IGF1: variants seen among roughly 807,000 people sequenced by gnomAD.
IGF1 encodes the protein insulin-like growth factor 1.
Under a neutral mutation model 13.8 loss-of-function variants are expected in IGF1, and 4 were observed. The observed-to-expected ratio is 0.29, with a 90% CI of 0.14 to 0.66. IGF1 has a LOEUF of 0.66. Among genes scored for constraint, IGF1 ranks in the 30% least tolerant of loss-of-function variants. IGF1 has a pLI of 0.78. For missense variants in IGF1, 124 were observed against 188.5 expected (o/e 0.66, Z 2.00); for synonymous variants, 76 against 72.6 (o/e 1.05, Z -0.23).
chr12:102,480,343 C>T lies in IGF1; in HGVS notation c.39G>A (p.Lys13=). ...CCTTCAAGAAATCACAAAAGCAGCA[C>T]TTAAATAATTGGGTTGGAAGACTGC... ...KISSLPTQLF[K]CCFCDFLKVK... The change falls in exon 1 of 4, where the codon AAG becomes AAA. Residue 13 remains lysine (K), a synonymous_variant. Transcript: ENST00000337514. The T allele has an allele frequency of 5.6e-6, 9 of 1,613,594 alleles. No individual in the cohort carries two copies. The highest frequency in any genetic ancestry group is 7.6e-6 in the Non-Finnish European group (9 of 1,179,708).
At chr12:102,405,036 C>G (rs533945783) in intron 3 of IGF1, among the ~76,000 whole-genome samples, 95 of 151,456 alleles carry the variant, frequency 6.3e-4, no homozygotes, top group Non-Finnish European at 4.6e-4. Flanking sequence ...GTATTACAGG[C>G]GTAAGCTAAA....
intron 2 of IGF1, among the ~76,000 whole-genome samples, chr12:102,448,516 A>G (rs1341849977): frequency 1.6e-5 from 2 of 122,220 alleles, no homozygotes; most frequent in Non-Finnish European, 3.3e-5. Flanking sequence ...AGGAAGGGGA[A>G]TATCACACTC....
At position 102,419,247 on chromosome 12, in the gene IGF1, T is replaced by A. The variant is rs1875451248; in HGVS notation, c.402+262A>T. Among the ~76,000 whole-genome samples the A allele has an allele frequency of 2.0e-5, 3 of 152,186 alleles. No homozygotes were observed. In the South Asian group the frequency reaches 6.2e-4, roughly 32 times the overall value. ...TGTGTGAGAAAGCCAGGACTTCACT[T>A]TTGTCTGACACCAAAGCCCATGTTT... On this transcript the variant is annotated intron_variant, in intron 3 of 3. Coordinates refer to ENST00000337514, the MANE Select transcript of IGF1 (RefSeq NM_000618.5).
intron 3 of IGF1, among the ~76,000 whole-genome samples, chr12:102,408,318 T>C (rs1874344609): frequency 6.6e-6 from 1 of 152,154 alleles, no homozygotes; most frequent in African/African-American, 2.4e-5. Context: ...AACTTTGATA[T>C]CTCTTTACTT....
At chr12:102,464,181 A>G (rs1880133026) in intron 2 of IGF1, among the ~76,000 whole-genome samples, 1 of 152,034 alleles carries the variant, frequency 6.6e-6, no homozygotes, top group Non-Finnish European at 1.5e-5. Flanking sequence ...AGTAGACCTT[A>G]TTGGTGAGGG....
Position 102,475,666 on chromosome 12 carries a change from C to G in IGF1, c.197G>C (p.Cys66Ser). The G allele has an allele frequency of 6.2e-7, 1 of 1,614,236 alleles. No homozygotes were observed. The highest frequency in any genetic ancestry group is 8.5e-7 in the Non-Finnish European group (1 of 1,180,052). ...AELVDALQFV[C>S]GDRGFYFNKP... ...ACTGAAATAAAAGCCCCTGTCTCCACACACGAACTGAAGAGCATCCACCAG... is the reference window on the plus strand; with the variant it reads ...ACTGAAATAAAAGCCCCTGTCTCCAGACACGAACTGAAGAGCATCCACCAG... The change falls in exon 2 of 4, where the codon TGT becomes TCT. Residue 66 changes from cysteine (C) to serine (S), a missense_variant. Physicochemically the swap from Cys to Ser is moderately radical, Grantham distance 112. Coordinates refer to ENST00000337514, the MANE Select transcript of IGF1 (RefSeq NM_000618.5).
Position 102,401,497 on chromosome 12 carries a change from T to C in IGF1, c.*1010A>G, listed in dbSNP as rs17886337. On this transcript the variant is annotated 3_prime_UTR_variant, in exon 4 of 4. Transcript: ENST00000337514. ...TTTCCCAAATGGATGGTGTTTTCAG[T>C]ACCCTTCCCCTTGTGTCATCTTTGG... is the stretch of plus-strand genomic sequence containing the variant. 2.6e-5 allele frequency: 4 copies of C among 152,662 alleles called. No individual in the cohort carries two copies. Among genetic ancestry groups the C allele is most frequent in the African/African-American group, 9.6e-5 (4 of 41,458 alleles). The allele number at this position is 152,662 out of a possible 1,614,324, so 9.5% of individuals were successfully genotyped here.
chr12:102,475,768 A>G lies in IGF1; in HGVS notation c.95T>C (p.Leu32Pro). The G allele has an allele frequency of 6.2e-7, 1 of 1,614,116 alleles. No individual in the cohort carries two copies. Among genetic ancestry groups the G allele is most frequent in the Non-Finnish European group, 8.5e-7 (1 of 1,180,000 alleles). The change falls in exon 2 of 4, where the codon CTC becomes CCC. Residue 32 changes from leucine (L) to proline (P), a missense_variant. By Grantham distance (98) the Leu-to-Pro change is moderately conservative (BLOSUM62 -3). Around this residue, in one of 2 missense-constraint regions of IGF1, gnomAD observed 99 missense variants for 171.4 expected, o/e 0.58. Coordinates refer to ENST00000337514, the MANE Select transcript of IGF1 (RefSeq NM_000618.5). ...VKMHTMSSSH[L>P]FYLALCLLTF... ...GAGCAGGCACAGCGCCAGGTAGAAG[A>G]GATGCGAGGAGGACATGGTGTGCAT...
intron 2 of IGF1, chr12:102,463,365 G>A (rs1304024198): frequency 6.6e-6 from 1 of 152,236 alleles, no homozygotes; most frequent in Non-Finnish European, 1.5e-5. Flanking sequence ...CTTCGTGGAA[G>A]ACTAGCAAGT....
At chr12:102,437,110 G>A (rs1877315482) in intron 2 of IGF1, among the ~76,000 whole-genome samples, 1 of 152,160 alleles carries the variant, frequency 6.6e-6, no homozygotes, top group Non-Finnish European at 1.5e-5. Context: ...CCTTCTCAAC[G>A]AATCTATTTC....
At chr12:102,448,252 C>T (rs1165672843) in intron 2 of IGF1, among the ~76,000 whole-genome samples, 12 of 147,452 alleles carry the variant, frequency 8.1e-5, no homozygotes, top group African/African-American at 2.0e-4. Context: ...ATGTTTATTG[C>T]GGCACTATTC....
chr12:102,481,736 C>T (rs1881396867), upstream of IGF1: 2 of 151,874 alleles, frequency 1.3e-5, no homozygotes, highest in East Asian at 1.9e-4. Context: ...GGCCTGGTTT[C>T]CCAGGAGTGG....
chr12:102,447,881 A>G (rs1878495671), intron 2 of IGF1, among the ~76,000 whole-genome samples: 2 of 152,226 alleles, frequency 1.3e-5, no homozygotes, highest in African/African-American at 4.8e-5. Flanking sequence ...TCCTGACTAA[A>G]ACACCAATAG....
intron 2 of IGF1, among the ~76,000 whole-genome samples, chr12:102,452,800 C>T (rs1272692315): frequency 6.6e-6 from 1 of 152,160 alleles, no homozygotes; most frequent in East Asian, 1.9e-4. Context: ...AGCGCTTGGG[C>T]TGGAATCTGC....
At chr12:102,468,768 C>T (rs1880490511) in intron 2 of IGF1, among the ~76,000 whole-genome samples, 1 of 152,204 alleles carries the variant, frequency 6.6e-6, no homozygotes, top group Non-Finnish European at 1.5e-5. Context: ...CGATTTTTTG[C>T]CACCATGGGT....
intron 2 of IGF1, among the ~76,000 whole-genome samples, chr12:102,454,110 C>T (rs1014503060): frequency 3.3e-5 from 5 of 152,344 alleles, no homozygotes; most frequent in East Asian, 1.9e-4. Context: ...CATGCACCTG[C>T]AAACATACTC....
intron 2 of IGF1, among the ~76,000 whole-genome samples, chr12:102,472,797 T>G (rs544714026): frequency 6.6e-6 from 1 of 152,290 alleles, no homozygotes; most frequent in Admixed American, 6.5e-5. Flanking sequence ...AATAATTGGC[T>G]CAGACACAAA....
chr12:102,478,590 C>T, intron 1 of IGF1: 2 of 1,564,106 alleles, frequency 1.3e-6, no homozygotes, highest in Non-Finnish European at 1.7e-6. Flanking sequence ...AAAACATGTG[C>T]TGCTTTGTGG....
chr12:102,412,345 C>T (rs1275890218), intron 3 of IGF1, among the ~76,000 whole-genome samples: 5 of 152,058 alleles, frequency 3.3e-5, no homozygotes, highest in East Asian at 3.9e-4. Flanking sequence ...GAAAATAGTT[C>T]CCCCCAGCTC....
Sources: allele counts gnomAD v4.1 joint callset (sites outside exome capture counted in the v4.1 genomes callset), GRCh38; gene constraint gnomAD v4.1.1; regional missense constraint gnomAD v4.1.1; transcripts MANE v1.5; gene names NCBI Gene and HGNC (gene_info 2026-07-23, HGNC 2026-07-21).